The following PARD3 variants were observed in gnomAD, a reference collection of about 807,000 sequenced individuals.
PARD3 encodes par-3 family cell polarity regulator.
A neutral mutation model predicts 155.4 loss-of-function variants in PARD3; 75 were observed. The ratio of observed to expected loss-of-function variants is 0.48; its 90% CI spans 0.40 to 0.58. The LOEUF (loss-of-function observed/expected upper bound fraction) is 0.58, where lower values mean the gene tolerates loss of function less well. PARD3 is among the 20% of genes least tolerant of loss of function. The pLI, the probability that PARD3 is intolerant of heterozygous loss-of-function variation, is 0.00. For missense variants in PARD3, 1,642 were observed against 1,721.7 expected (o/e 0.95, Z 0.82); for synonymous variants, 576 against 610.5 (o/e 0.94, Z 0.83).
At chr10:34,605,999 ATATATATATATCTCC>A (rs2090378251) in intron 2 of PARD3, among the ~76,000 whole-genome samples, 1 of 63,078 alleles carries the variant, frequency 1.6e-5, no homozygotes, top group East Asian at 4.6e-4. Context: ...TATATCTCCT[ATATATATATATCTCC>A]TATATCTATA....
At chr10:34,365,191 T>C (rs1226268135) in intron 12 of PARD3, among the ~76,000 whole-genome samples, 1 of 152,250 alleles carries the variant, frequency 6.6e-6, no homozygotes, top group Non-Finnish European at 1.5e-5. Flanking sequence ...GTTGTGATCA[T>C]GTACCAAGTT....
At chr10:34,518,728 T>C (rs541166538) in intron 2 of PARD3, among the ~76,000 whole-genome samples, 1 of 152,208 alleles carries the variant, frequency 6.6e-6, no homozygotes, top group South Asian at 2.1e-4. Context: ...GAAATCATCA[T>C]TAGGCAACCT....
intron 1 of PARD3, among the ~76,000 whole-genome samples, chr10:34,761,931 T>C (rs1410028365): frequency 6.6e-6 from 1 of 152,116 alleles, no homozygotes; most frequent in Non-Finnish European, 1.5e-5. Context: ...ATAACATAGA[T>C]ATAAATACAA....
chr10:34,796,387 C>T (rs1397620315), intron 1 of PARD3, among the ~76,000 whole-genome samples: 1 of 152,166 alleles, frequency 6.6e-6, no homozygotes, highest in African/African-American at 2.4e-5. Flanking sequence ...ATAATTAAAT[C>T]ATTGTTTATT....
intron 1 of PARD3, among the ~76,000 whole-genome samples, chr10:34,768,722 T>A (rs1838448660): frequency 1.3e-5 from 2 of 152,226 alleles, no homozygotes; most frequent in South Asian, 4.1e-4. Context: ...GAAAACTTAC[T>A]TGGCTCTGGC....
At position 34,516,998 on chromosome 10, in the gene PARD3, T is replaced by A; in HGVS notation, c.384A>T (p.Thr128=). The A allele has an allele frequency of 1.2e-6, 2 of 1,614,110 alleles. No individual in the cohort carries two copies. Among genetic ancestry groups the A allele is most frequent in the Non-Finnish European group, 1.7e-6 (2 of 1,179,986 alleles). The part of the protein sequence containing the change: ...PYQATSEIEV[T]PSVLRANMPL... ...ACTTACTTGCTCGAAGGACTGAAGG[T>A]GTGACCTCAATTTCACTTGTTGCTT... The change falls in exon 3 of 25, where the codon ACA becomes ACT. Residue 128 remains threonine (T), a synonymous_variant. Transcript: ENST00000374788.
At chr10:34,805,568 C>T (rs55847352) in intron 1 of PARD3, among the ~76,000 whole-genome samples, 43,659 of 109,040 alleles carry the variant, frequency 0.4, 7,077 homozygotes, top group African/African-American at 0.5. Flanking sequence ...TATATATATA[C>T]ACCGTACAGT....
chr10:34,524,324 AAG>A (rs1301860201), intron 2 of PARD3, among the ~76,000 whole-genome samples: 1 of 152,214 alleles, frequency 6.6e-6, no homozygotes, highest in Non-Finnish European at 1.5e-5. Flanking sequence ...ATCCTTTAAG[AAG>A]AAAGTATTTC....
At chr10:34,527,031 C>G (rs1446488279) in intron 2 of PARD3, among the ~76,000 whole-genome samples, 1 of 152,166 alleles carries the variant, frequency 6.6e-6, no homozygotes, top group Non-Finnish European at 1.5e-5. Flanking sequence ...ACTTTTCATT[C>G]TAAAATAGAA....
In PARD3 at chr10:34,273,899, A is replaced by G. The variant is rs146181220; in HGVS notation, c.3177-4000T>C. 9.3e-4 allele frequency among the ~76,000 whole-genome samples: 142 copies of G among 152,270 alleles called. 2 individuals are homozygous for G. Among genetic ancestry groups the G allele is most frequent in the Middle Eastern group, 6.8e-3 (2 of 294 alleles). ...CTTCTCTCCCAGCTATAAAAAGTAC[A>G]TAAATTCACCTAGCTCAGTGTTTCT... On this transcript the variant is annotated intron_variant, in intron 21 of 24. Transcript: ENST00000374788.
chr10:34,546,619 A>G (rs1374220245), intron 2 of PARD3, among the ~76,000 whole-genome samples: 2 of 152,090 alleles, frequency 1.3e-5, no homozygotes, highest in Non-Finnish European at 2.9e-5. Context: ...ACTACTGCAA[A>G]ATACTGAATG....
At chr10:34,146,946 TCA>T (rs1359871818) in intron 22 of PARD3, among the ~76,000 whole-genome samples, 1 of 152,152 alleles carries the variant, frequency 6.6e-6, no homozygotes, top group South Asian at 2.1e-4. Flanking sequence ...TTTCTGAAAA[TCA>T]CAGTCTTAGA....
At chr10:34,134,499 G>A (rs910973410) in intron 22 of PARD3, among the ~76,000 whole-genome samples, 3 of 152,146 alleles carry the variant, frequency 2.0e-5, no homozygotes, top group African/African-American at 4.8e-5. Context: ...CTGTTTTCCC[G>A]ACAAAGGGAG....
chr10:34,350,429 G>C (rs966778068), intron 14 of PARD3, among the ~76,000 whole-genome samples: 1 of 152,138 alleles, frequency 6.6e-6, no homozygotes, highest in African/African-American at 2.4e-5. Context: ...TGGATCATGA[G>C]GTCAGGAGTT....
chr10:34,691,143 A>G lies in PARD3; in HGVS notation c.222+5175T>C, dbSNP rs1782919441. ...GGTGGCACCCAAATAGGAAGAGAGG[A>G]AGTCAAACTCTCCCTGTTTGCAGAT... is the stretch of plus-strand genomic sequence containing the variant. On this transcript the variant is annotated intron_variant, in intron 2 of 24. Transcript: ENST00000374788. 2.6e-5 allele frequency among the ~76,000 whole-genome samples: 4 copies of G among 152,194 alleles called. No homozygotes were observed. In the South Asian group the frequency reaches 8.3e-4, roughly 32 times the overall value.
intron 4 of PARD3, among the ~76,000 whole-genome samples, chr10:34,462,319 T>C (rs1386123901): frequency 6.6e-6 from 1 of 152,252 alleles, no homozygotes; most frequent in Non-Finnish European, 1.5e-5. Context: ...CTGGAAGCTA[T>C]GCTTGGCTCA....
At chr10:34,391,363 C>T (rs547102562) in intron 7 of PARD3, among the ~76,000 whole-genome samples, 3 of 152,296 alleles carry the variant, frequency 2.0e-5, no homozygotes, top group Admixed American at 6.5e-5. Context: ...AGGGGCCTAG[C>T]GCCCTCCAGC....
intron 20 of PARD3, among the ~76,000 whole-genome samples, chr10:34,307,846 A>T (rs1957492088): frequency 6.6e-6 from 1 of 152,196 alleles, no homozygotes; most frequent in Non-Finnish European, 1.5e-5. Context: ...ATTCTCTGTC[A>T]ATGTCAATGT....
At chr10:34,264,482 T>C (rs868564305) in intron 22 of PARD3, among the ~76,000 whole-genome samples, 1 of 152,298 alleles carries the variant, frequency 6.6e-6, no homozygotes, top group Admixed American at 6.5e-5. Context: ...TTTTCACAGG[T>C]GATAAGAACT....
Sources: allele counts gnomAD v4.1 joint callset (sites outside exome capture counted in the v4.1 genomes callset), GRCh38; gene constraint gnomAD v4.1.1; transcripts MANE v1.5; gene names NCBI Gene and HGNC (gene_info 2026-07-23, HGNC 2026-07-21).